MOB3B: variants seen among roughly 807,000 people sequenced by gnomAD.
MOB3B encodes MOB kinase activator-like 2B.
Under a neutral mutation model 18.7 loss-of-function variants are expected in MOB3B, and 7 were observed. That is an observed-to-expected ratio of 0.37 (90% CI 0.21 to 0.70). The LOEUF (loss-of-function observed/expected upper bound fraction) is 0.70. Among genes scored for constraint, MOB3B ranks in the 30% least tolerant of loss-of-function variants. The pLI is 0.52. For synonymous variants in MOB3B, 111 were observed against 99.9 expected, an observed-to-expected ratio of 1.11 and a Z score of -0.66; for missense variants, 253 against 281.3, an observed-to-expected ratio of 0.90 and a Z score of 0.72.
At chr9:27,390,312 C>T (rs544237268) in intron 2 of MOB3B, among the ~76,000 whole-genome samples, 1 of 151,982 alleles carries the variant, frequency 6.6e-6, no homozygotes, top group Admixed American at 6.6e-5. Context: ...GTGCAGTGGG[C>T]GATCTCCGCT....
At chr9:27,356,377 G>T (rs1319389765) in intron 3 of MOB3B, among the ~76,000 whole-genome samples, 1 of 152,176 alleles carries the variant, frequency 6.6e-6, no homozygotes, top group Non-Finnish European at 1.5e-5. Context: ...CCCCAAAGAG[G>T]CCCTTGTCTA....
At chr9:27,367,840 A>G (rs971862633) in intron 2 of MOB3B, among the ~76,000 whole-genome samples, 4 of 152,332 alleles carry the variant, frequency 2.6e-5, no homozygotes, top group Middle Eastern at 3.4e-3. Flanking sequence ...TGAACTGTCC[A>G]AGGAGCTTCC....
intron 1 of MOB3B, among the ~76,000 whole-genome samples, chr9:27,466,685 C>T (rs979569370): frequency 2.0e-5 from 3 of 152,124 alleles, no homozygotes; most frequent in African/African-American, 4.8e-5. Flanking sequence ...TCTTATACGG[C>T]AGCAGCAAGA....
chr9:27,375,925 T>C (rs1821484167), intron 2 of MOB3B, among the ~76,000 whole-genome samples: 1 of 152,256 alleles, frequency 6.6e-6, no homozygotes, highest in Non-Finnish European at 1.5e-5. Flanking sequence ...GGTGACTGCC[T>C]ACACAAATTC....
chr9:27,421,479 T>G (rs1822248886), intron 2 of MOB3B: 1 of 152,306 alleles, frequency 6.6e-6, no homozygotes, highest in South Asian at 2.1e-4. Context: ...CAGGTCTTTT[T>G]GCTCACCTTG....
intron 2 of MOB3B, among the ~76,000 whole-genome samples, chr9:27,367,904 G>A (rs1253426430): frequency 1.3e-5 from 2 of 152,144 alleles, no homozygotes; most frequent in East Asian, 3.9e-4. Context: ...GACCCCTGAT[G>A]GCATGTCAAC....
chr9:27,415,925 G>A (rs2131406313), intron 2 of MOB3B, among the ~76,000 whole-genome samples: 1 of 152,240 alleles, frequency 6.6e-6, no homozygotes, highest in East Asian at 1.9e-4. Flanking sequence ...TATTTATTTA[G>A]TTAGTTCACA....
At chr9:27,510,808 C>T (rs1428586813) in intron 1 of MOB3B, among the ~76,000 whole-genome samples, 1 of 151,582 alleles carries the variant, frequency 6.6e-6, no homozygotes, top group Non-Finnish European at 1.5e-5. Flanking sequence ...CCTGTCTCTC[C>T]ACCAGGATCC....
chr9:27,511,082 G>A (rs1320172207), intron 1 of MOB3B, among the ~76,000 whole-genome samples: 2 of 152,070 alleles, frequency 1.3e-5, no homozygotes, highest in African/African-American at 2.4e-5. Flanking sequence ...ACTCTCCACA[G>A]GCAGAAGAAG....
intron 1 of MOB3B, among the ~76,000 whole-genome samples, chr9:27,460,615 A>G (rs1819270902): frequency 6.6e-6 from 1 of 152,130 alleles, no homozygotes; most frequent in Non-Finnish European, 1.5e-5. Context: ...CTGAAGGGTG[A>G]GGGGGTTAGG....
intron 3 of MOB3B, among the ~76,000 whole-genome samples, chr9:27,356,792 A>G (rs924576867): frequency 1.3e-5 from 2 of 150,984 alleles, no homozygotes; most frequent in East Asian, 3.9e-4. Flanking sequence ...GCCCTTGTCC[A>G]TCTTTCCTCT....
intron 2 of MOB3B, among the ~76,000 whole-genome samples, chr9:27,395,666 G>A (rs1468983753): frequency 6.6e-6 from 1 of 152,204 alleles, no homozygotes; most frequent in East Asian, 1.9e-4. Flanking sequence ...CCATATGGGT[G>A]TGTTGTCCCT....
At chr9:27,368,484 T>C (rs1821369287) in intron 2 of MOB3B, among the ~76,000 whole-genome samples, 1 of 152,158 alleles carries the variant, frequency 6.6e-6, no homozygotes, top group South Asian at 2.1e-4. Flanking sequence ...TTTTGTGTTA[T>C]CTCAGTACGT....
In MOB3B at chr9:27,468,569, A is replaced by G. The variant is rs552914377; in HGVS notation, c.-198-12821T>C. ...TGCACATCTCTGATGCGAATGCCCC[A>G]GGACCACATACTGTGCTGTATTTCT... On this transcript the variant is annotated intron_variant, in intron 1 of 3. Transcript: ENST00000262244. Among the ~76,000 whole-genome samples, 20 of 152,290 alleles carry G rather than the reference A, an allele frequency of 1.3e-4. 1 individual carries two copies. Among genetic ancestry groups the G allele is most frequent in the Admixed American group, 7.2e-4 (11 of 15,296 alleles).
intron 2 of MOB3B, chr9:27,378,383 T>C: frequency 2.1e-6 from 1 of 471,758 alleles, no homozygotes; most frequent in Non-Finnish European, 4.4e-6. Context: ...GGCTCTGATG[T>C]CAGCTCTGGA....
chr9:27,511,389 T>C (rs1306538130), intron 1 of MOB3B, among the ~76,000 whole-genome samples: 1 of 152,154 alleles, frequency 6.6e-6, no homozygotes, highest in African/African-American at 2.4e-5. Context: ...AAATTGTCCA[T>C]CCTGCAGCAT....
chr9:27,473,574 A>G (rs1819506793), intron 1 of MOB3B, among the ~76,000 whole-genome samples: 2 of 152,134 alleles, frequency 1.3e-5, no homozygotes, highest in Non-Finnish European at 2.9e-5. Flanking sequence ...GGGACCTGAC[A>G]ATAGAAAGCA....
intron 2 of MOB3B, among the ~76,000 whole-genome samples, chr9:27,419,293 T>C (rs113946790): frequency 3.4e-4 from 52 of 152,224 alleles, no homozygotes; most frequent in African/African-American, 1.1e-3. Context: ...CTTCACATAA[T>C]TAGAAAAAAC....
chr9:27,490,899 G>A (rs2131486765), intron 1 of MOB3B, among the ~76,000 whole-genome samples: 1 of 152,096 alleles, frequency 6.6e-6, no homozygotes, highest in South Asian at 2.1e-4. Flanking sequence ...AAGCAAATTC[G>A]AAGGAGAAAT....
Sources: allele counts gnomAD v4.1 joint callset (sites outside exome capture counted in the v4.1 genomes callset), GRCh38; gene constraint gnomAD v4.1.1; transcripts MANE v1.5; gene names NCBI Gene and HGNC (gene_info 2026-07-23, HGNC 2026-07-21).